Variants in HEMK2 observed in about 807,000 individuals in gnomAD.
HEMK2 encodes methyltransferase HEMK2.
chr21:28,721,224 TC>T, the HEMK2 span, among the ~76,000 whole-genome samples: 1 of 152,106 alleles, frequency 6.6e-6, no homozygotes, highest in Non-Finnish European at 1.5e-5. Context: ...CCATCCATCC[TC>T]CCACCTCAGC....
the HEMK2 span, among the ~76,000 whole-genome samples, chr21:28,880,949 A>AAAAAAAAAG: frequency 2.1e-5 from 3 of 139,694 alleles, no homozygotes; most frequent in Non-Finnish European, 3.2e-5. Context: ...AAAAAAAAAA[A>AAAAAAAAAG]AAACCGGAAA....
At chr21:28,581,662 C>T in the HEMK2 span, among the ~76,000 whole-genome samples, 4 of 152,178 alleles carry the variant, frequency 2.6e-5, no homozygotes, top group African/African-American at 7.2e-5. Flanking sequence ...AGGCCTAGAT[C>T]GTTCCAGGCA....
chr21:28,792,417 G>T, the HEMK2 span, among the ~76,000 whole-genome samples: 1 of 152,094 alleles, frequency 6.6e-6, no homozygotes, highest in Non-Finnish European at 1.5e-5. Context: ...GATCAGAATC[G>T]CTTTCTGGTA....
At chr21:28,814,315 G>C in the HEMK2 span, among the ~76,000 whole-genome samples, 3 of 458 alleles carry the variant, frequency 6.6e-3, no homozygotes, top group African/African-American at 0.019. Flanking sequence ...CAGGACATAG[G>C]CATGAGCAAG....
the HEMK2 span, chr21:28,875,284 A>C: frequency 1.3e-5 from 2 of 152,292 alleles, no homozygotes; most frequent in Non-Finnish European, 2.9e-5. Flanking sequence ...CATCCAGTTC[A>C]TGATGGGAAG....
At chr21:28,695,446 G>A in the HEMK2 span, among the ~76,000 whole-genome samples, 56 of 152,108 alleles carry the variant, frequency 3.7e-4, no homozygotes, top group African/African-American at 1.3e-3. Flanking sequence ...AATTGACTCA[G>A]TTCAGCATAG....
chr21:28,839,416 A>C, the HEMK2 span, among the ~76,000 whole-genome samples: 3 of 152,276 alleles, frequency 2.0e-5, no homozygotes, highest in East Asian at 3.9e-4. Flanking sequence ...AAATCAGTAA[A>C]GAGGAAGTCA....
At chr21:28,775,526 A>G in the HEMK2 span, among the ~76,000 whole-genome samples, 1 of 152,208 alleles carries the variant, frequency 6.6e-6, no homozygotes, top group Non-Finnish European at 1.5e-5. Flanking sequence ...ATAGCCATGA[A>G]TGATAGATTG....
At chr21:28,644,190 G>A in the HEMK2 span, among the ~76,000 whole-genome samples, 1 of 152,190 alleles carries the variant, frequency 6.6e-6, no homozygotes, top group Non-Finnish European at 1.5e-5. Flanking sequence ...CATGGTGGAA[G>A]GCGAAGGGGA....
chr21:28,669,776 G>T, the HEMK2 span, among the ~76,000 whole-genome samples: 1 of 152,146 alleles, frequency 6.6e-6, no homozygotes, highest in Non-Finnish European at 1.5e-5. Flanking sequence ...AAAACTGATT[G>T]CAATTTTGAG....
chr21:28,766,251 C>T, the HEMK2 span, among the ~76,000 whole-genome samples: 1 of 151,532 alleles, frequency 6.6e-6, no homozygotes, highest in Non-Finnish European at 1.5e-5. Context: ...CATGTATACC[C>T]ATGTAACAAA....
the HEMK2 span, among the ~76,000 whole-genome samples, chr21:28,848,963 C>A: frequency 6.6e-6 from 1 of 152,168 alleles, no homozygotes; most frequent in Non-Finnish European, 1.5e-5. Flanking sequence ...ACTCTGCAGC[C>A]CCACTCCCGC....
the HEMK2 span, chr21:28,879,969 A>G: frequency 6.5e-7 from 1 of 1,528,162 alleles, no homozygotes; most frequent in Non-Finnish European, 8.8e-7. Context: ...TGTATTCAAC[A>G]ACAGTAAGAA....
At chr21:28,596,713 T>A in the HEMK2 span, among the ~76,000 whole-genome samples, 1 of 152,180 alleles carries the variant, frequency 6.6e-6, no homozygotes, top group African/African-American at 2.4e-5. Flanking sequence ...ATAGCTAGAG[T>A]CTGTAAAAGA....
At chr21:28,784,083 G>A in the HEMK2 span, among the ~76,000 whole-genome samples, 9,677 of 152,218 alleles carry the variant, frequency 0.064, 469 homozygotes, top group African/African-American at 0.14. Context: ...CCCGACGAGC[G>A]CCATCCCCCA....
the HEMK2 span, chr21:28,670,832 T>A: frequency 2.0e-5 from 3 of 152,128 alleles, no homozygotes; most frequent in Non-Finnish European, 4.4e-5. Flanking sequence ...GTCGAATGCT[T>A]ATAAAACTGT....
the HEMK2 span, among the ~76,000 whole-genome samples, chr21:28,662,704 C>A: frequency 3.9e-5 from 6 of 152,074 alleles, no homozygotes; most frequent in African/African-American, 1.4e-4. Context: ...CCCTCTTTTT[C>A]TCTGCACTTC....
the HEMK2 span, among the ~76,000 whole-genome samples, chr21:28,759,210 C>A: frequency 6.6e-6 from 1 of 152,124 alleles, no homozygotes; most frequent in East Asian, 1.9e-4. Flanking sequence ...TTGCACTGTG[C>A]CCAAGGGCAT....
the HEMK2 span, among the ~76,000 whole-genome samples, chr21:28,831,671 GAAAGAAA>G: frequency 1.7e-4 from 10 of 59,302 alleles, no homozygotes; most frequent in Non-Finnish European, 2.6e-4. Flanking sequence ...AAGAAAGAAA[GAAAGAAA>G]GAAAGAAGGA....
Sources: gnomAD v4.1 joint callset for allele counts (sites outside exome capture counted in the v4.1 genomes callset) on GRCh38, gnomAD v4.1.1 for gene constraint, MANE v1.5 for transcripts, NCBI Gene and HGNC (gene_info 2026-07-23, HGNC 2026-07-21) for gene names.